The following MMADHC variants were observed in gnomAD, a reference collection of about 807,000 sequenced individuals.
The protein encoded by MMADHC is metabolism of cobalamin associated D.
A neutral mutation model predicts 36.3 loss-of-function variants in MMADHC; 23 were observed. That is an observed-to-expected ratio of 0.63 (90% CI 0.46 to 0.90). The LOEUF (loss-of-function observed/expected upper bound fraction) is 0.90, where lower values mean the gene tolerates loss of function less well. Ranked by LOEUF, MMADHC falls within the 40% of genes least tolerant of loss-of-function variation. MMADHC has a pLI of 0.00. For synonymous variants in MMADHC, 97 were observed against 116.1 expected, an observed-to-expected ratio of 0.84 and a Z score of 1.06; for missense variants, 330 against 348.0, an observed-to-expected ratio of 0.95 and a Z score of 0.41.
chr2:149,584,816 AG>A (rs1226155250), intron 2 of MMADHC, among the ~76,000 whole-genome samples: 1 of 152,136 alleles, frequency 6.6e-6, no homozygotes, highest in Non-Finnish European at 1.5e-5. Context: ...AGGGAGGCGA[AG>A]GTGGGTGGAT....
At chr2:149,579,178 A>G (rs1371785590) in intron 4 of MMADHC, among the ~76,000 whole-genome samples, 2 of 152,040 alleles carry the variant, frequency 1.3e-5, no homozygotes, top group Admixed American at 1.3e-4. Flanking sequence ...GTATATCTAG[A>G]GTAGTTACTT....
chr2:149,570,301 C>A, intron 7 of MMADHC, 133 bp from the exon 8 acceptor site: 2 of 782,032 alleles, frequency 2.6e-6, no homozygotes, highest in Non-Finnish European at 4.2e-6. Flanking sequence ...AAGTCACATG[C>A]AACACTTAAA....
At chr2:149,587,210 A>C (rs1682885496) in intron 1 of MMADHC, 61 bp from the exon 2 acceptor site, 1 of 1,030,072 alleles carries the variant, frequency 9.7e-7, no homozygotes, top group Non-Finnish European at 1.5e-6. Context: ...CAGACAACTG[A>C]GGTAACGTCC....
chr2:149,584,794 A>C (rs1402208716), intron 2 of MMADHC, among the ~76,000 whole-genome samples: 4 of 152,120 alleles, frequency 2.6e-5, no homozygotes, highest in Admixed American at 1.3e-4. Context: ...CATGCCTGTA[A>C]TCCCAGCACT....
intron 2 of MMADHC, among the ~76,000 whole-genome samples, chr2:149,585,101 G>C (rs1460107684): frequency 6.6e-6 from 1 of 151,690 alleles, no homozygotes; most frequent in East Asian, 1.9e-4. Context: ...AATTGTAATT[G>C]TGGAAGTGGA....
intron 6 of MMADHC, among the ~76,000 whole-genome samples, chr2:149,571,829 C>T (rs1479740673): frequency 6.6e-6 from 1 of 151,468 alleles, no homozygotes; most frequent in Non-Finnish European, 1.5e-5. Context: ...ATAAAATGCT[C>T]TTAGTGAAAA....
rs977807044 is a variant in MMADHC at position 149,577,793 on chromosome 2, C to T, written c.373-1251G>A. Among the ~76,000 whole-genome samples, 63 of 152,090 alleles carry T rather than the reference C, an allele frequency of 4.1e-4. 1 individual carries two copies. Among genetic ancestry groups the T allele is most frequent in the African/African-American group, 1.4e-3 (58 of 41,416 alleles). On this transcript the variant is annotated intron_variant, in intron 4 of 7. Transcript: ENST00000303319. ...CCAGAACTTTGGGAGGCCAAGGCGG[C>T]CAGATCACAAGGTCAGGTGATCGAG... is the stretch of plus-strand genomic sequence containing the variant.
chr2:149,583,901 C>G (rs1682827340), intron 2 of MMADHC, among the ~76,000 whole-genome samples: 1 of 152,110 alleles, frequency 6.6e-6, no homozygotes, highest in Admixed American at 6.6e-5. Context: ...AAGAATTCTT[C>G]TGCTAAAAGA....
At chr2:149,587,181 A>G (rs1443984255) in intron 1 of MMADHC, 32 bp from the exon 2 acceptor site, 4 of 1,310,142 alleles carry the variant, frequency 3.1e-6, no homozygotes, top group African/African-American at 2.9e-5. Flanking sequence ...CAGACGAGTG[A>G]TCGATTAAAC....
intron 6 of MMADHC, 44 bp from the exon 7 acceptor site, chr2:149,571,215 A>T: frequency 8.4e-7 from 1 of 1,185,530 alleles, no homozygotes; most frequent in Non-Finnish European, 1.2e-6. Context: ...TAGCATTACT[A>T]GAGATTGTTT....
chr2:149,583,912 T>C (rs1246152339), intron 2 of MMADHC, among the ~76,000 whole-genome samples: 1 of 152,214 alleles, frequency 6.6e-6, no homozygotes, highest in Admixed American at 6.5e-5. Flanking sequence ...TGCTAAAAGA[T>C]ACTGTTTCCT....
At chr2:149,585,698 A>G (rs1008421857) in intron 2 of MMADHC, among the ~76,000 whole-genome samples, 4 of 152,236 alleles carry the variant, frequency 2.6e-5, no homozygotes, top group Non-Finnish European at 4.4e-5. Context: ...GTACCTGTCT[A>G]GACTCTGAAA....
rs144666533 is a variant in MMADHC, at chr2:149,580,432, A to G, written c.155-784T>C. Among the ~76,000 whole-genome samples the G allele has an allele frequency of 4.6e-5, 7 of 152,324 alleles. No individual in the cohort carries two copies. The East Asian group carries it at 1.3e-3, about 29-fold the overall frequency. On this transcript the variant is annotated intron_variant, in intron 3 of 7. Transcript: ENST00000303319. ...CCACATGAGTTAATATGGATTGCAA[A>G]TATAGAACAGACCACATTACTTTAT...
intron 5 of MMADHC, 117 bp from the exon 6 acceptor site, chr2:149,575,958 G>C: frequency 1.3e-6 from 1 of 744,754 alleles, no homozygotes; most frequent in Non-Finnish European, 2.2e-6. Flanking sequence ...AATTACTGTG[G>C]TATTAGTTAA....
At chr2:149,570,929 A>G (rs1444273819) in intron 7 of MMADHC, among the ~76,000 whole-genome samples, 156 bp downstream of exon 7, 1 of 152,212 alleles carries the variant, frequency 6.6e-6, no homozygotes. Flanking sequence ...AGGTCTCTCA[A>G]AAGTTGAGAA....
chr2:149,581,710 G>C (rs1326141910), intron 3 of MMADHC, among the ~76,000 whole-genome samples: 1 of 152,194 alleles, frequency 6.6e-6, no homozygotes, highest in Non-Finnish European at 1.5e-5. Flanking sequence ...AGAATGATTA[G>C]CATGGTAGTG....
At chr2:149,581,003 C>T (rs1294609307) in intron 3 of MMADHC, among the ~76,000 whole-genome samples, 1 of 152,172 alleles carries the variant, frequency 6.6e-6, no homozygotes, top group African/African-American at 2.4e-5. Context: ...CAAGTCACTT[C>T]CCAAGAGAAA....
chr2:149,576,974 T>G (rs904508120), intron 4 of MMADHC, among the ~76,000 whole-genome samples: 3 of 152,132 alleles, frequency 2.0e-5, no homozygotes, highest in South Asian at 2.1e-4. Context: ...CAGGAAGAGC[T>G]TAGAGGCTTT....
intron 2 of MMADHC, among the ~76,000 whole-genome samples, chr2:149,583,920 C>T (rs1682827632): frequency 6.6e-6 from 1 of 152,164 alleles, no homozygotes; most frequent in Admixed American, 6.5e-5. Flanking sequence ...GATACTGTTT[C>T]CTTATCGTTC....
Sources: allele counts gnomAD v4.1 joint callset (sites outside exome capture counted in the v4.1 genomes callset), GRCh38; gene constraint gnomAD v4.1.1; transcripts MANE v1.5; gene names NCBI Gene and HGNC (gene_info 2026-07-23, HGNC 2026-07-21).